Variants in LIMK2 observed in about 807,000 individuals in gnomAD.
LIMK2 encodes the protein LIM domain kinase 2.
Under a neutral mutation model 75.7 loss-of-function variants are expected in LIMK2, and 35 were observed. The observed-to-expected ratio is 0.46, with a 90% CI of 0.35 to 0.61. LIMK2 has a LOEUF of 0.61. LIMK2 is among the 20% of genes least tolerant of loss of function. LIMK2 has a pLI of 0.00. For synonymous variants in LIMK2, 301 were observed against 319.2 expected (o/e 0.94, Z 0.61); for missense variants, 623 against 831.0 (o/e 0.75, Z 3.08).
At chr22:31,267,571 G>A (rs1171516602) in intron 9 of LIMK2, among the ~76,000 whole-genome samples, 1 of 152,242 alleles carries the variant, frequency 6.6e-6, no homozygotes, top group Non-Finnish European at 1.5e-5. Context: ...TCCCAATGCA[G>A]TTCCAAGGGT....
At chr22:31,240,095 C>T (rs1702257034) in intron 2 of LIMK2, among the ~76,000 whole-genome samples, 1 of 152,164 alleles carries the variant, frequency 6.6e-6, no homozygotes, top group Non-Finnish European at 1.5e-5. Flanking sequence ...AGCTAGAGTC[C>T]CTTCTCCCAT....
intron 2 of LIMK2, among the ~76,000 whole-genome samples, chr22:31,249,449 CT>C (rs1330497756): frequency 6.6e-5 from 10 of 152,146 alleles, no homozygotes; most frequent in Non-Finnish European, 1.0e-4. Flanking sequence ...CCACGAGCCT[CT>C]CTCTGTGGGG....
chr22:31,221,339 C>G (rs995597085), intron 1 of LIMK2, among the ~76,000 whole-genome samples: 58 of 151,650 alleles, frequency 3.8e-4, no homozygotes, highest in South Asian at 2.1e-4. Context: ...TTCCTTCCCC[C>G]CTTTTTTGCC....
intron 15 of LIMK2, chr22:31,275,551 A>G (rs2049005143): frequency 2.0e-6 from 1 of 497,122 alleles, no homozygotes; most frequent in African/African-American, 1.9e-5. Context: ...AAAGTTTAAA[A>G]GAAGGAAATT....
At chr22:31,271,084 GGGT>G in intron 11 of LIMK2, 49 bp from the exon 12 acceptor site, 1 of 1,525,162 alleles carries the variant, frequency 6.6e-7, no homozygotes, top group Non-Finnish European at 9.1e-7. Flanking sequence ...TCCAGATTCA[GGGT>G]CTAGTTGATT....
intron 10 of LIMK2, 31 bp downstream of exon 10, chr22:31,267,938 C>G: frequency 6.4e-7 from 1 of 1,574,472 alleles, no homozygotes; most frequent in Non-Finnish European, 8.6e-7. Context: ...TCTCCAGGAG[C>G]CTTGGTGGGT....
At chr22:31,226,064 C>T (rs2048474839) in intron 2 of LIMK2, among the ~76,000 whole-genome samples, 1 of 152,188 alleles carries the variant, frequency 6.6e-6, no homozygotes, top group Admixed American at 6.5e-5. Context: ...GGAGCCCTTT[C>T]CAGGGTTGTC....
At chr22:31,212,758 C>T (rs1039582774) in intron 1 of LIMK2, among the ~76,000 whole-genome samples, 8 of 152,068 alleles carry the variant, frequency 5.3e-5, no homozygotes, top group South Asian at 4.2e-4. Context: ...CGGCCGCAGA[C>T]CCCCAAATTA....
In LIMK2 at chr22:31,243,160, G is replaced by C. The variant is rs529563808; in HGVS notation, c.117-15131G>C. 2.6e-5 allele frequency among the ~76,000 whole-genome samples: 4 copies of C among 152,282 alleles called. No individual in the cohort carries two copies. In the South Asian group the frequency reaches 8.3e-4, roughly 32 times the overall value. The stretch of plus-strand genomic sequence containing the variant: ...TGGTCACGAACACTTGACCTCAAGT[G>C]ATCTGCCTGCCTCAGCCTCCCAAAG... On this transcript the variant is annotated intron_variant, in intron 2 of 15. Transcript: ENST00000331728.
rs66641491 is a variant in LIMK2 at position 31,228,021 on chromosome 22, C to CGTGTGTGTGTGT, written c.116+2220_116+2231dup. 3.0e-4 allele frequency among the ~76,000 whole-genome samples: 44 copies of CGTGTGTGTGTGT among 147,632 alleles called. No homozygotes were observed. In the East Asian group the frequency reaches 4.6e-3, roughly 15 times the overall value. On this transcript the variant is annotated intron_variant, in intron 2 of 15. Transcript: ENST00000331728. ...TGCTAGCTTGTTAGCTCTGTGCGTG[C>CGTGTGTGTGTGT]GTGTGTGTGTGTGTGTGTGTGTGTG...
chr22:31,246,368 G>GA (rs796156338), intron 2 of LIMK2, among the ~76,000 whole-genome samples: 201 of 98,786 alleles, frequency 2.0e-3, no homozygotes, highest in Middle Eastern at 5.7e-3. Flanking sequence ...AATCTCAAAA[G>GA]AAAAAAAAAA....
At chr22:31,276,814 G>A (rs751574938) in intron 15 of LIMK2, 4 of 1,611,352 alleles carry the variant, frequency 2.5e-6, no homozygotes, top group South Asian at 1.1e-5. Flanking sequence ...CGCAGGAGAG[G>A]GCCCGGGCTG....
intron 1 of LIMK2, among the ~76,000 whole-genome samples, chr22:31,216,717 G>A (rs2048392038): frequency 6.6e-6 from 1 of 152,186 alleles, no homozygotes; most frequent in African/African-American, 2.4e-5. Flanking sequence ...TGATCAAGGG[G>A]CTGTATTAGG....
intron 5 of LIMK2, among the ~76,000 whole-genome samples, chr22:31,261,682 T>C (rs754714354): frequency 2.6e-5 from 4 of 151,592 alleles, no homozygotes; most frequent in Non-Finnish European, 4.4e-5. Flanking sequence ...GCATGAGAAT[T>C]GCTTGAGCCT....
chr22:31,279,634 C>G lies in LIMK2; in HGVS notation c.*1193C>G, dbSNP rs866469815. On this transcript the variant is annotated 3_prime_UTR_variant, in exon 16 of 16. Coordinates refer to ENST00000331728, the MANE Select transcript of LIMK2 (RefSeq NM_005569.4). ...ACTGGAAAACCTCCATCTTGGCTCC[C>G]AGAGCTCTAGGAACTCTTCATCACA... 2.0e-5 allele frequency: 3 copies of G among 152,170 alleles called. No homozygotes were observed. The highest frequency in any genetic ancestry group is 7.2e-5 in the African/African-American group (3 of 41,426). 9.4% of individuals were successfully genotyped at this position (152,170 alleles called of 1,614,324 possible). A position where few individuals can be genotyped will look rare whatever the true frequency, so the allele number is the denominator to read the frequency against.
intron 15 of LIMK2, chr22:31,276,775 G>A (rs557144192): frequency 2.2e-5 from 36 of 1,602,524 alleles, no homozygotes; most frequent in African/African-American, 2.7e-5. Context: ...CAAGGACCAC[G>A]CATCTACTTT....
In LIMK2 at chr22:31,266,222, A is replaced by G. The variant is rs2048894259; in HGVS notation, c.1041+90A>G. Reference sequence around the variant, plus strand: ...ATTTCTCATCACTTGGCCCCACCCCACACCATGCAGGATGCCAGGCCTCCT... The same window carrying G: ...ATTTCTCATCACTTGGCCCCACCCCGCACCATGCAGGATGCCAGGCCTCCT... On this transcript the variant is annotated intron_variant, in intron 8 of 15. Transcript: ENST00000331728. The G allele has an allele frequency of 2.3e-6, 3 of 1,326,622 alleles. No homozygotes were observed. In the Admixed American group the frequency reaches 6.0e-5, roughly 26 times the overall value. 82.2% of individuals were successfully genotyped at this position (1,326,622 alleles called of 1,614,324 possible).
chr22:31,276,782 C>G, intron 15 of LIMK2: 1 of 1,605,964 alleles, frequency 6.2e-7, no homozygotes, highest in Non-Finnish European at 8.5e-7. Flanking sequence ...CACGCATCTA[C>G]TTTCAGAGCC....
At chr22:31,276,214 A>C (rs2049013230) in intron 15 of LIMK2, among the ~76,000 whole-genome samples, 1 of 152,206 alleles carries the variant, frequency 6.6e-6, no homozygotes, top group South Asian at 2.1e-4. Flanking sequence ...CAGCCTCGGC[A>C]ACAAGAGTGA....
Sources: allele counts gnomAD v4.1 joint callset (sites outside exome capture counted in the v4.1 genomes callset), GRCh38; gene constraint gnomAD v4.1.1; transcripts MANE v1.5; gene names NCBI Gene and HGNC (gene_info 2026-07-23, HGNC 2026-07-21).